KCNIP1: variants seen among roughly 807,000 people sequenced by gnomAD.
KCNIP1 encodes A-type potassium channel modulatory protein KCNIP1.
A neutral mutation model predicts 33.0 loss-of-function variants in KCNIP1; 18 were observed. The ratio of observed to expected loss-of-function variants is 0.55; its 90% CI spans 0.38 to 0.81. The LOEUF (loss-of-function observed/expected upper bound fraction) is 0.81, where lower values mean the gene tolerates loss of function less well. Ranked by LOEUF, KCNIP1 falls within the 30% of genes least tolerant of loss-of-function variation. The pLI, the probability that KCNIP1 is intolerant of heterozygous loss-of-function variation, is 0.00. For synonymous variants in KCNIP1, 93 were observed against 98.3 expected, an observed-to-expected ratio of 0.95 and a Z score of 0.32; for missense variants, 238 against 271.6, an observed-to-expected ratio of 0.88 and a Z score of 0.87.
At chr5:170,676,732 T>A (rs1024438819) in intron 1 of KCNIP1, among the ~76,000 whole-genome samples, 1 of 152,182 alleles carries the variant, frequency 6.6e-6, no homozygotes, top group Non-Finnish European at 1.5e-5. Flanking sequence ...GATAACTAAG[T>A]GAACTGCTCC....
At chr5:170,698,805 T>C (rs6897344) in intron 1 of KCNIP1, among the ~76,000 whole-genome samples, 24,454 of 152,242 alleles carry the variant, frequency 0.16, 2,377 homozygotes, top group African/African-American at 0.27. Context: ...TGCACTGCCA[T>C]TCATTATCTC....
intron 1 of KCNIP1, among the ~76,000 whole-genome samples, chr5:170,532,778 C>T (rs1044143664): frequency 2.0e-5 from 3 of 152,166 alleles, no homozygotes; most frequent in Non-Finnish European, 4.4e-5. Flanking sequence ...GGGAGGGTCA[C>T]AGTCCCTCAC....
chr5:170,654,481 G>A (rs561235335), intron 1 of KCNIP1, among the ~76,000 whole-genome samples: 29 of 152,226 alleles, frequency 1.9e-4, no homozygotes, highest in Admixed American at 2.0e-4. Context: ...GGGGGGCATC[G>A]GCTGAATCTG....
chr5:170,695,335 A>T (rs1010098679), intron 1 of KCNIP1, among the ~76,000 whole-genome samples: 1 of 152,230 alleles, frequency 6.6e-6, no homozygotes, highest in African/African-American at 2.4e-5. Context: ...TTTTAAAGAT[A>T]AAAACATTCC....
intron 1 of KCNIP1, among the ~76,000 whole-genome samples, chr5:170,485,033 T>C (rs1229104595): frequency 2.0e-5 from 3 of 148,814 alleles, no homozygotes; most frequent in Non-Finnish European, 4.4e-5. Context: ...CTCTGCCTCC[T>C]AGTTTCAAGC....
chr5:170,657,254 C>A (rs1316508549), intron 1 of KCNIP1, among the ~76,000 whole-genome samples: 1 of 152,094 alleles, frequency 6.6e-6, no homozygotes, highest in Non-Finnish European at 1.5e-5. Context: ...CCTCGATCTC[C>A]CAAAGTCCTG....
At chr5:170,713,850 C>T (rs959543708) in intron 1 of KCNIP1, among the ~76,000 whole-genome samples, 3 of 151,926 alleles carry the variant, frequency 2.0e-5, no homozygotes, top group Middle Eastern at 3.4e-3. Context: ...GGTGAAAACC[C>T]GTTTCTACTA....
chr5:170,463,618 C>A (rs372040477), intron 1 of KCNIP1, among the ~76,000 whole-genome samples: 1 of 152,140 alleles, frequency 6.6e-6, no homozygotes, highest in East Asian at 1.9e-4. Context: ...AAAATCCAAA[C>A]TGACGTCATG....
chr5:170,491,329 G>A (rs996850919), intron 1 of KCNIP1, among the ~76,000 whole-genome samples: 18 of 152,314 alleles, frequency 1.2e-4, no homozygotes, highest in Middle Eastern at 6.8e-3. Context: ...TCTAGCAGAA[G>A]TGAAAACAAG....
chr5:170,494,405 T>C (rs192249196), intron 1 of KCNIP1, among the ~76,000 whole-genome samples: 1 of 152,140 alleles, frequency 6.6e-6, no homozygotes, highest in East Asian at 1.9e-4. Flanking sequence ...CAAGGTAGTG[T>C]GTTGTGGCAG....
chr5:170,587,250 T>C (rs963023432), intron 1 of KCNIP1, among the ~76,000 whole-genome samples: 1 of 150,932 alleles, frequency 6.6e-6, no homozygotes, highest in Non-Finnish European at 1.5e-5. Context: ...GGTGAAACCC[T>C]GTCTCTACAA....
chr5:170,684,149 T>C (rs375853052), intron 1 of KCNIP1, among the ~76,000 whole-genome samples: 76 of 152,322 alleles, frequency 5.0e-4, no homozygotes, highest in African/African-American at 1.8e-3. Context: ...ATTTATCAGT[T>C]GTGTGAGGTG....
At chr5:170,573,470 C>CT (rs56781336) in intron 1 of KCNIP1, among the ~76,000 whole-genome samples, 10,878 of 152,160 alleles carry the variant, frequency 0.071, 573 homozygotes, top group African/African-American at 0.14. Context: ...AATTTTTCAT[C>CT]AAATAATAAT....
At chr5:170,429,981 G>T (rs1755704362) in intron 1 of KCNIP1, among the ~76,000 whole-genome samples, 1 of 152,108 alleles carries the variant, frequency 6.6e-6, no homozygotes, top group Admixed American at 6.5e-5. Flanking sequence ...CTTGATCTCA[G>T]GTTTACTTAT....
intron 1 of KCNIP1, among the ~76,000 whole-genome samples, chr5:170,368,371 T>G (rs1396647705): frequency 6.6e-6 from 1 of 152,132 alleles, no homozygotes; most frequent in Non-Finnish European, 1.5e-5. Flanking sequence ...TTCAAGTGAT[T>G]CTTGTGCCTC....
chr5:170,689,383 T>C (rs1459330105), intron 1 of KCNIP1, among the ~76,000 whole-genome samples: 1 of 152,238 alleles, frequency 6.6e-6, no homozygotes, highest in African/African-American at 2.4e-5. Context: ...TCTGTATGCA[T>C]GGTCATATGT....
At chr5:170,551,926 G>A (rs561790126) in intron 1 of KCNIP1, among the ~76,000 whole-genome samples, 14 of 151,776 alleles carry the variant, frequency 9.2e-5, no homozygotes, top group South Asian at 4.2e-4. Flanking sequence ...ATGAGTACAC[G>A]TATGAATGTG....
chr5:170,461,449 G>A (rs754418525), intron 1 of KCNIP1, among the ~76,000 whole-genome samples: 1 of 152,084 alleles, frequency 6.6e-6, no homozygotes, highest in Admixed American at 6.6e-5. Flanking sequence ...CATGGTACTG[G>A]TATAAAAATA....
chr5:170,656,901 C>G (rs531795472), intron 1 of KCNIP1, among the ~76,000 whole-genome samples: 1 of 152,148 alleles, frequency 6.6e-6, no homozygotes, highest in African/African-American at 2.4e-5. Context: ...CATCCCCACC[C>G]GTCCCCATGC....
Sources: gnomAD v4.1 joint callset for allele counts (sites outside exome capture counted in the v4.1 genomes callset) on GRCh38, gnomAD v4.1.1 for gene constraint, MANE v1.5 for transcripts, NCBI Gene and HGNC (gene_info 2026-07-23, HGNC 2026-07-21) for gene names.